The following GBE1 variants were observed in gnomAD, a reference collection of about 807,000 sequenced individuals.
GBE1 encodes the protein 1,4-alpha-glucan-branching enzyme.
Under a neutral mutation model 88.8 loss-of-function variants are expected in GBE1, and 70 were observed. The ratio of observed to expected loss-of-function variants is 0.79; its 90% CI spans 0.65 to 0.96. GBE1 has a LOEUF of 0.96. GBE1 is among the 40% of genes least tolerant of loss of function. The pLI is 0.00. For missense variants in GBE1, 872 were observed against 871.0 expected (o/e 1.00, Z -0.01); for synonymous variants, 284 against 300.1 (o/e 0.95, Z 0.56).
chr3:81,500,424 A>T (rs1029064284), intron 14 of GBE1, among the ~76,000 whole-genome samples: 8 of 150,762 alleles, frequency 5.3e-5, no homozygotes, highest in East Asian at 3.9e-4. Context: ...TGTGGAATTT[A>T]AAAAAAACTA....
chr3:81,637,301 A>G (rs1318692653), intron 7 of GBE1, among the ~76,000 whole-genome samples: 1 of 152,182 alleles, frequency 6.6e-6, no homozygotes, highest in Non-Finnish European at 1.5e-5. Flanking sequence ...GAAAACTAAT[A>G]AAAAACTTAT....
intron 8 of GBE1, 139 bp downstream of exon 8, chr3:81,593,769 A>G: frequency 1.7e-6 from 1 of 571,764 alleles, no homozygotes; most frequent in East Asian, 3.2e-5. Context: ...TGTACTTATA[A>G]TCTACCTTTT....
chr3:81,529,040 C>T (rs188480901), intron 14 of GBE1, among the ~76,000 whole-genome samples: 2 of 151,914 alleles, frequency 1.3e-5, no homozygotes, highest in East Asian at 3.9e-4. Context: ...TGTTGTCTTC[C>T]TTCTTGTCTT....
chr3:81,714,514 AAATT>A (rs1705915510), intron 1 of GBE1, among the ~76,000 whole-genome samples: 1 of 152,204 alleles, frequency 6.6e-6, no homozygotes, highest in African/African-American at 2.4e-5. Context: ...ATAAACAGAA[AAATT>A]AATAGACTAT....
chr3:81,687,933 C>A (rs972159010), intron 2 of GBE1, among the ~76,000 whole-genome samples: 2 of 152,126 alleles, frequency 1.3e-5, no homozygotes, highest in African/African-American at 4.8e-5. Context: ...AATCTTTATA[C>A]CTTTTACACA....
rs1474858058 is a variant in GBE1 at position 81,499,234 on chromosome 3, C to T, written c.1935-7G>A. On this transcript the variant is annotated splice_region_variant and splice_polypyrimidine_tract_variant and intron_variant, in intron 14 of 15. Transcript: ENST00000429644. ...ATCTAGCACAATTTTGAATGTACAG[C>T]TCTTAAGGAATTCACAACAGTTGAG... 4 of 1,527,914 alleles carry T rather than the reference C, an allele frequency of 2.6e-6. No individual in the cohort carries two copies. Among genetic ancestry groups the T allele is most frequent in the East Asian group, 2.3e-5 (1 of 44,202 alleles). 94.6% of individuals were successfully genotyped at this position (1,527,914 alleles called of 1,614,324 possible). A position where few individuals can be genotyped will look rare whatever the true frequency, so the allele number is the denominator to read the frequency against.
intron 14 of GBE1, chr3:81,534,652 G>C (rs1703049970): frequency 6.6e-6 from 1 of 152,026 alleles, no homozygotes; most frequent in Non-Finnish European, 1.5e-5. Flanking sequence ...TACAACTACT[G>C]TTTGCTCTCT....
At chr3:81,513,099 G>A (rs1019791739) in intron 14 of GBE1, among the ~76,000 whole-genome samples, 3 of 151,582 alleles carry the variant, frequency 2.0e-5, no homozygotes, top group Non-Finnish European at 4.4e-5. Context: ...ATAGGGCATA[G>A]GTCAAGGTGG....
chr3:81,613,456 T>C (rs563748428), intron 7 of GBE1, among the ~76,000 whole-genome samples: 4 of 152,220 alleles, frequency 2.6e-5, no homozygotes, highest in African/African-American at 7.2e-5. Context: ...TCTCTGTATA[T>C]TGGGATCAGA....
intron 1 of GBE1, among the ~76,000 whole-genome samples, chr3:81,706,502 T>C (rs780915480): frequency 2.0e-5 from 3 of 152,176 alleles, no homozygotes; most frequent in Non-Finnish European, 4.4e-5. Flanking sequence ...AGGTGCTCTA[T>C]GTCAGAAGTG....
chr3:81,586,400 G>A (rs1004791270), intron 9 of GBE1, among the ~76,000 whole-genome samples: 9 of 152,162 alleles, frequency 5.9e-5, no homozygotes, highest in African/African-American at 1.4e-4. Flanking sequence ...TTGATCTCAT[G>A]AAGCTATTTA....
chr3:81,694,840 T>C (rs1393478983), intron 2 of GBE1, among the ~76,000 whole-genome samples: 1 of 152,176 alleles, frequency 6.6e-6, no homozygotes, highest in Non-Finnish European at 1.5e-5. Flanking sequence ...CCAGACTAGC[T>C]GAGACTGGTT....
intron 3 of GBE1, among the ~76,000 whole-genome samples, chr3:81,662,217 A>G (rs531721502): frequency 6.6e-6 from 1 of 152,144 alleles, no homozygotes; most frequent in East Asian, 1.9e-4. Flanking sequence ...ATTTTTACAG[A>G]GACCTGTTTT....
At chr3:81,552,790 A>C (rs1285124812) in intron 12 of GBE1, among the ~76,000 whole-genome samples, 1 of 152,202 alleles carries the variant, frequency 6.6e-6, no homozygotes, top group Non-Finnish European at 1.5e-5. Context: ...GAAATGTAAA[A>C]TAATCACAAT....
At chr3:81,510,078 C>T (rs943008720) in intron 14 of GBE1, among the ~76,000 whole-genome samples, 4 of 152,060 alleles carry the variant, frequency 2.6e-5, no homozygotes, top group Non-Finnish European at 4.4e-5. Context: ...AAAGACTTTC[C>T]ATATCTACTT....
At chr3:81,496,117 C>T (rs970793247) in intron 15 of GBE1, among the ~76,000 whole-genome samples, 3 of 152,142 alleles carry the variant, frequency 2.0e-5, no homozygotes, top group Non-Finnish European at 2.9e-5. Context: ...TATTAAGTTC[C>T]GGTATCAGGA....
intron 7 of GBE1, among the ~76,000 whole-genome samples, chr3:81,619,342 G>A (rs1028309446): frequency 6.6e-6 from 1 of 151,968 alleles, no homozygotes; most frequent in Non-Finnish European, 1.5e-5. Flanking sequence ...TTCTCACTTA[G>A]ATGGAACAAA....
At chr3:81,665,344 T>G (rs1342325848) in intron 3 of GBE1, among the ~76,000 whole-genome samples, 3 of 151,202 alleles carry the variant, frequency 2.0e-5, no homozygotes, top group Admixed American at 6.6e-5. Flanking sequence ...CCATCCTGGC[T>G]AACACAGTGA....
chr3:81,619,318 G>T (rs1704293455), intron 7 of GBE1, among the ~76,000 whole-genome samples: 1 of 152,044 alleles, frequency 6.6e-6, no homozygotes, highest in Non-Finnish European at 1.5e-5. Context: ...TATATGTTAA[G>T]ATAATCTACC....
Sources: gnomAD v4.1 joint callset for allele counts (sites outside exome capture counted in the v4.1 genomes callset) on GRCh38, gnomAD v4.1.1 for gene constraint, MANE v1.5 for transcripts, NCBI Gene and HGNC (gene_info 2026-07-23, HGNC 2026-07-21) for gene names.